The following BRINP1 variants were observed in gnomAD, a reference collection of about 807,000 sequenced individuals.
BRINP1 encodes BMP/retinoic acid inducible neural specific 1.
BRINP1 carries 17 observed loss-of-function variants against 72.9 expected under a neutral mutation model. The ratio of observed to expected loss-of-function variants is 0.23; its 90% CI spans 0.16 to 0.35. BRINP1 has a LOEUF of 0.35. Among genes scored for constraint, BRINP1 ranks in the 10% least tolerant of loss-of-function variants. The pLI is 1.00. For synonymous variants in BRINP1, 418 were observed against 378.5 expected, an observed-to-expected ratio of 1.10 and a Z score of -1.21; for missense variants, 850 against 1,001.6, an observed-to-expected ratio of 0.85 and a Z score of 2.04.
At chr9:119,255,954 CAAAAAAAAAAAAAAAA>C (rs58972395) in intron 2 of BRINP1, among the ~76,000 whole-genome samples, 11 of 53,484 alleles carry the variant, frequency 2.1e-4, no homozygotes, top group Non-Finnish European at 3.2e-4. Flanking sequence ...GACTCCAGCT[CAAAAAAAAAAAAAAAA>C]AAAAAAAAAA....
At chr9:119,334,461 C>A (rs180718208) in intron 1 of BRINP1, among the ~76,000 whole-genome samples, 60 of 152,272 alleles carry the variant, frequency 3.9e-4, no homozygotes, top group African/African-American at 1.1e-3. Flanking sequence ...CAGACCCCAG[C>A]CATAGGAATT....
chr9:119,222,783 T>C (rs1488462324), intron 5 of BRINP1, among the ~76,000 whole-genome samples: 1 of 152,034 alleles, frequency 6.6e-6, no homozygotes, highest in Non-Finnish European at 1.5e-5. Context: ...CAAAAAAAGA[T>C]AATATAGCTT....
chr9:119,365,653 T>C (rs751668799), intron 1 of BRINP1, among the ~76,000 whole-genome samples: 56 of 152,142 alleles, frequency 3.7e-4, no homozygotes, highest in Middle Eastern at 3.2e-3. Context: ...TAACATAAAC[T>C]CTTGCAAGCA....
intron 1 of BRINP1, among the ~76,000 whole-genome samples, chr9:119,337,569 A>C (rs1219585057): frequency 6.6e-6 from 1 of 152,254 alleles, no homozygotes; most frequent in East Asian, 1.9e-4. Context: ...TCAAGTCCAA[A>C]CATCTTAATT....
intron 1 of BRINP1, among the ~76,000 whole-genome samples, chr9:119,324,832 G>A (rs1337054698): frequency 1.3e-5 from 2 of 152,142 alleles, no homozygotes; most frequent in Admixed American, 1.3e-4. Flanking sequence ...GGGCACAGTG[G>A]CTCATGTCTG....
intron 7 of BRINP1, among the ~76,000 whole-genome samples, chr9:119,192,887 CACAGT>C (rs1829696637): frequency 6.6e-6 from 1 of 152,008 alleles, no homozygotes; most frequent in East Asian, 1.9e-4. Flanking sequence ...AAATGTGGTA[CACAGT>C]TGTTTCTCAG....
rs185931103 is a variant in BRINP1 at position 119,270,591 on chromosome 9, T to C, written c.219-21441A>G. 1.4e-3 allele frequency among the ~76,000 whole-genome samples: 210 copies of C among 152,250 alleles called. 1 individual carries two copies. Among genetic ancestry groups the C allele is most frequent in the African/African-American group, 4.8e-3 (201 of 41,560 alleles). ...TCAAGGAAGAGTAAAAGGTTTTGAC[T>C]TGAGCAACTGGAAATATGAATCTTC... On this transcript the variant is annotated intron_variant, in intron 2 of 7. Coordinates refer to ENST00000265922, the MANE Select transcript of BRINP1 (RefSeq NM_014618.3).
intron 7 of BRINP1, among the ~76,000 whole-genome samples, chr9:119,196,306 C>T (rs532375017): frequency 2.6e-5 from 4 of 152,268 alleles, no homozygotes; most frequent in Admixed American, 1.3e-4. Context: ...CTCCAGGTGA[C>T]GGTGATGCCA....
At chr9:119,277,999 T>C (rs991909332) in intron 2 of BRINP1, among the ~76,000 whole-genome samples, 1 of 152,248 alleles carries the variant, frequency 6.6e-6, no homozygotes, top group Non-Finnish European at 1.5e-5. Context: ...TCATATTCTT[T>C]ATATGGATTA....
chr9:119,209,836 G>T (rs139349863), intron 6 of BRINP1, among the ~76,000 whole-genome samples: 2 of 152,298 alleles, frequency 1.3e-5, no homozygotes, highest in East Asian at 3.9e-4. Context: ...GTTCCACAGA[G>T]AACTGAAATG....
At chr9:119,263,537 T>C (rs1830516557) in intron 2 of BRINP1, among the ~76,000 whole-genome samples, 1 of 151,616 alleles carries the variant, frequency 6.6e-6, no homozygotes, top group African/African-American at 2.4e-5. Context: ...GGACAGGGAC[T>C]GTATCTATTT....
intron 5 of BRINP1, among the ~76,000 whole-genome samples, chr9:119,219,515 TC>T (rs2118883279): frequency 6.6e-6 from 1 of 152,180 alleles, no homozygotes; most frequent in Non-Finnish European, 1.5e-5. Flanking sequence ...TTCCTTTCTT[TC>T]TTCCCATCTT....
chr9:119,355,531 A>C (rs1330900600), intron 1 of BRINP1, among the ~76,000 whole-genome samples: 1 of 152,098 alleles, frequency 6.6e-6, no homozygotes, highest in Non-Finnish European at 1.5e-5. Flanking sequence ...GATTGAGACC[A>C]TCCTGGCTAA....
chr9:119,231,582 C>T (rs1830149115), intron 5 of BRINP1, among the ~76,000 whole-genome samples: 1 of 152,068 alleles, frequency 6.6e-6, no homozygotes, highest in Non-Finnish European at 1.5e-5. Flanking sequence ...AATTTCACCC[C>T]CAGAATTCCA....
intron 2 of BRINP1, chr9:119,283,205 C>T: frequency 1.0e-6 from 1 of 982,790 alleles, no homozygotes; most frequent in Non-Finnish European, 1.2e-6. Flanking sequence ...GGGGTGGAAA[C>T]AAACAGTAGT....
chr9:119,314,757 T>C (rs79359885), intron 1 of BRINP1, among the ~76,000 whole-genome samples: 173 of 152,330 alleles, frequency 1.1e-3, no homozygotes, highest in Middle Eastern at 6.8e-3. Context: ...TGTATTTAAC[T>C]TTCCTGACAT....
intron 1 of BRINP1, among the ~76,000 whole-genome samples, chr9:119,358,216 T>C (rs566957021): frequency 1.1e-4 from 16 of 152,192 alleles, no homozygotes; most frequent in African/African-American, 2.6e-4. Context: ...TAAACACAGT[T>C]CACACAAGAG....
intron 2 of BRINP1, among the ~76,000 whole-genome samples, chr9:119,255,123 C>T (rs1412792865): frequency 6.6e-6 from 1 of 152,240 alleles, no homozygotes; most frequent in African/African-American, 2.4e-5. Context: ...GAAAGCAAGC[C>T]TTGCTTGCCA....
intron 1 of BRINP1, among the ~76,000 whole-genome samples, chr9:119,353,905 A>G (rs1831531377): frequency 7.3e-6 from 1 of 136,288 alleles, no homozygotes; most frequent in Non-Finnish European, 1.5e-5. Flanking sequence ...TGTTCCTGGA[A>G]GCACTATTTA....
Sources: allele counts gnomAD v4.1 joint callset (sites outside exome capture counted in the v4.1 genomes callset), GRCh38; gene constraint gnomAD v4.1.1; transcripts MANE v1.5; gene names NCBI Gene and HGNC (gene_info 2026-07-23, HGNC 2026-07-21).